The following DNMT3B variants were observed in gnomAD, a reference collection of about 807,000 sequenced individuals.
DNMT3B encodes DNA methyltransferase 3 beta.
DNMT3B carries 37 observed loss-of-function variants against 120.2 expected under a neutral mutation model. The ratio of observed to expected loss-of-function variants is 0.31; its 90% confidence interval spans 0.24 to 0.40. The LOEUF is 0.40. Ranked by LOEUF, DNMT3B falls within the 10% of genes least tolerant of loss-of-function variation. The probability of loss-of-function intolerance (pLI) is 1.00; values close to 1 mark genes in which losing one functional copy is unlikely to be tolerated. For missense variants in DNMT3B, 878 were observed against 1,137.3 expected (o/e 0.77, Z 3.28); for synonymous variants, 412 against 442.8 (o/e 0.93, Z 0.87).
Position 32,793,434 on chromosome 20 carries a change from T to A in DNMT3B, c.1067-102T>A, listed in dbSNP as rs1412750723. The A allele has an allele frequency of 2.2e-6, 3 of 1,367,786 alleles. No individual in the cohort carries two copies. The East Asian group carries it at 7.2e-5, about 33-fold the overall frequency. The allele number at this position is 1,367,786 out of a possible 1,614,324, so 84.7% of individuals were successfully genotyped here. A position where few individuals can be genotyped will look rare whatever the true frequency, so the allele number is the denominator to read the frequency against. Reference sequence around the variant, plus strand: ...AGTGCGCCGAGATCGCACCACTGCATTCAAGCCTGGGTGACAGAGCAAGAC... The same window carrying A: ...AGTGCGCCGAGATCGCACCACTGCAATCAAGCCTGGGTGACAGAGCAAGAC... On this transcript the variant is annotated intron_variant, in intron 9 of 22. Transcript: ENST00000328111.
chr20:32,779,111 C>T lies in DNMT3B; in HGVS notation c.-6-1207C>T, dbSNP rs184496452. ...TTATTGGGGAAGCTTTTCCCAGGCA[C>T]GGTTCCAGGACACAAGGGTGTGGTG... On this transcript the variant is annotated intron_variant, in intron 1 of 22. Coordinates refer to ENST00000328111, the MANE Select transcript of DNMT3B (RefSeq NM_006892.4). Among the ~76,000 whole-genome samples the T allele has an allele frequency of 4.6e-5, 7 of 152,294 alleles. No homozygotes were observed. The East Asian group carries it at 1.4e-3, about 29-fold the overall frequency.
intron 1 of DNMT3B, among the ~76,000 whole-genome samples, chr20:32,772,874 ATT>A (rs397960769): frequency 7.7e-5 from 10 of 129,360 alleles, no homozygotes; most frequent in Non-Finnish European, 6.4e-5. Context: ...GTTTGGACAC[ATT>A]TTTTTTTTTT....
chr20:32,789,704 C>T (rs1979735119), intron 7 of DNMT3B, among the ~76,000 whole-genome samples: 1 of 152,186 alleles, frequency 6.6e-6, no homozygotes, highest in Non-Finnish European at 1.5e-5. Flanking sequence ...AACAATTCTC[C>T]TGCCTCAGCC....
chr20:32,780,469 G>T lies in DNMT3B; in HGVS notation c.142+4G>T, dbSNP rs748967232. On this transcript the variant is annotated splice_donor_region_variant and intron_variant, in intron 2 of 22. Coordinates refer to ENST00000328111, the MANE Select transcript of DNMT3B (RefSeq NM_006892.4). ...ATCCGCACCCCGGAGATCAGAGGTG[G>T]CTGGGCAGTGGGGACTGGGGTGGTG... The T allele has an allele frequency of 4.3e-5, 70 of 1,611,640 alleles. No individual in the cohort carries two copies. The Middle Eastern group carries it at 6.6e-4, about 15-fold the overall frequency.
chr20:32,783,147 G>A (rs759395645), intron 3 of DNMT3B, among the ~76,000 whole-genome samples: 3 of 152,018 alleles, frequency 2.0e-5, no homozygotes, highest in Non-Finnish European at 4.4e-5. Flanking sequence ...GGCTGGTCTC[G>A]AACTCCTGGC....
chr20:32,785,431 CAGGGTGGA>C, intron 4 of DNMT3B, among the ~76,000 whole-genome samples: 1 of 152,092 alleles, frequency 6.6e-6, no homozygotes, highest in Non-Finnish European at 1.5e-5. Context: ...ATAGAGTTTG[CAGGGTGGA>C]TGGCTCAGCT....
rs774911505 is a variant in DNMT3B, at chr20:32,786,598, G to A, written c.403G>A (p.Glu135Lys). 1.6e-5 allele frequency: 26 copies of A among 1,613,818 alleles called. No homozygotes were observed. The highest frequency in any genetic ancestry group is 5.3e-5 in the African/African-American group (4 of 74,956). Residue 135 changes from glutamate (E) to lysine (K), a missense_variant, in exon 5 of 23, where the codon GAG becomes AAG. Glu to Lys is a moderately conservative substitution (Grantham distance 56). Around this residue, in one of 4 missense-constraint regions of DNMT3B, gnomAD observed 287 missense variants for 306.2 expected, o/e 0.94. Transcript: ENST00000328111. Reference sequence around the variant, plus strand: ...CCGGCAGGGCCGCAACCATGTGGACGAGTCCCCCGTGGAGTTCCCGGCTAC... The same window carrying A: ...CCGGCAGGGCCGCAACCATGTGGACAAGTCCCCCGTGGAGTTCCCGGCTAC... ...RGRQGRNHVD[E>K]SPVEFPATRS...
intron 4 of DNMT3B, among the ~76,000 whole-genome samples, chr20:32,785,781 G>C (rs966476826): frequency 6.6e-6 from 1 of 152,170 alleles, no homozygotes; most frequent in South Asian, 2.1e-4. Context: ...ATTCCATCTT[G>C]ATGATCTGGT....
intron 20 of DNMT3B, among the ~76,000 whole-genome samples, chr20:32,802,961 T>C (rs889534485): frequency 6.6e-6 from 1 of 152,224 alleles, no homozygotes. Context: ...TCCCCGTTGA[T>C]GTAGTGACAG....
chr20:32,800,354 C>A, intron 17 of DNMT3B, 56 bp downstream of exon 17: 1 of 1,611,492 alleles, frequency 6.2e-7, no homozygotes, highest in Non-Finnish European at 8.5e-7. Context: ...TTCCCCAGTC[C>A]TCCACACCCT....
At chr20:32,785,986 T>G (rs1490133035) in intron 4 of DNMT3B, among the ~76,000 whole-genome samples, 1 of 151,976 alleles carries the variant, frequency 6.6e-6, no homozygotes, top group African/African-American at 2.4e-5. Flanking sequence ...CTGGTCCAAG[T>G]GATTCTCCTG....
intron 20 of DNMT3B, among the ~76,000 whole-genome samples, chr20:32,804,565 C>T (rs1446441834): frequency 6.6e-6 from 1 of 152,084 alleles, no homozygotes; most frequent in Non-Finnish European, 1.5e-5. Flanking sequence ...GCACCAGTTT[C>T]TGTTCTGGAG....
At chr20:32,767,064 A>AT (rs903823111) in intron 1 of DNMT3B, among the ~76,000 whole-genome samples, 47 of 151,260 alleles carry the variant, frequency 3.1e-4, no homozygotes, top group Non-Finnish European at 6.2e-4. Context: ...CTAATTCTGT[A>AT]TTTTTTTAGT....
intron 18 of DNMT3B, 69 bp from the exon 19 acceptor site, chr20:32,801,208 CT>C: frequency 6.2e-7 from 1 of 1,610,258 alleles, no homozygotes; most frequent in Non-Finnish European, 8.5e-7. Flanking sequence ...ACCTGCTGGT[CT>C]CAGGGAATAA....
At chr20:32,788,452 T>C (rs1979586882) in intron 6 of DNMT3B, among the ~76,000 whole-genome samples, 1 of 152,164 alleles carries the variant, frequency 6.6e-6, no homozygotes, top group Non-Finnish European at 1.5e-5. Context: ...TAGGATCCCT[T>C]TTTTCTATGT....
At chr20:32,791,967 G>A (rs1266655059) in intron 8 of DNMT3B, among the ~76,000 whole-genome samples, 4 of 152,184 alleles carry the variant, frequency 2.6e-5, no homozygotes, top group African/African-American at 4.8e-5. Flanking sequence ...TGCAATATTC[G>A]TATCAGTGAA....
At chr20:32,786,752 T>C in intron 5 of DNMT3B, 125 bp downstream of exon 5, 1 of 1,495,084 alleles carries the variant, frequency 6.7e-7, no homozygotes, top group Non-Finnish European at 9.1e-7. Context: ...CTTTTCAGGT[T>C]CTTGCTTTTT....
chr20:32,765,304 C>T (rs1227810018), intron 1 of DNMT3B, among the ~76,000 whole-genome samples: 1 of 151,758 alleles, frequency 6.6e-6, no homozygotes, highest in African/African-American at 2.4e-5. Context: ...GATATGTCTC[C>T]CCTTTGTTGG....
intron 4 of DNMT3B, 50 bp from the exon 5 acceptor site, chr20:32,786,452 C>G: frequency 6.2e-7 from 1 of 1,613,194 alleles, no homozygotes; most frequent in Non-Finnish European, 8.5e-7. Context: ...CCGCCAGACC[C>G]CAGGCCTCCA....
Sources: allele counts gnomAD v4.1 joint callset (sites outside exome capture counted in the v4.1 genomes callset), GRCh38; gene constraint gnomAD v4.1.1; regional missense constraint gnomAD v4.1.1; transcripts MANE v1.5; gene names NCBI Gene and HGNC (gene_info 2026-07-23, HGNC 2026-07-21).